Variants in EIF5B observed in about 807,000 individuals in gnomAD.
EIF5B encodes the protein eIF-5B.
Under a neutral mutation model 147.5 loss-of-function variants are expected in EIF5B, and 47 were observed. That is an observed-to-expected ratio of 0.32 (90% confidence interval 0.25 to 0.41). EIF5B has a LOEUF of 0.41. EIF5B is among the 10% of genes least tolerant of loss of function. The pLI is 1.00. For synonymous variants in EIF5B, 455 were observed against 456.2 expected, an observed-to-expected ratio of 1.00 and a Z score of 0.03; for missense variants, 1,064 against 1,413.2, an observed-to-expected ratio of 0.75 and a Z score of 3.96.
chr2:99,339,389 A>G (rs2094253853), intron 1 of EIF5B, among the ~76,000 whole-genome samples: 1 of 152,176 alleles, frequency 6.6e-6, no homozygotes, highest in Non-Finnish European at 1.5e-5. Context: ...TGTAAGAAAT[A>G]TTAATAGTGA....
At chr2:99,369,040 A>C (rs937358879) in intron 7 of EIF5B, among the ~76,000 whole-genome samples, 3 of 152,268 alleles carry the variant, frequency 2.0e-5, no homozygotes, top group Non-Finnish European at 4.4e-5. Flanking sequence ...TGGGAGGCTG[A>C]GGCGGGCGGA....
intron 4 of EIF5B, among the ~76,000 whole-genome samples, chr2:99,363,156 G>A (rs1674255507): frequency 6.6e-6 from 1 of 152,164 alleles, no homozygotes; most frequent in Non-Finnish European, 1.5e-5. Context: ...AGTTCTTGGA[G>A]TATAACTACC....
At chr2:99,362,913 C>G (rs1674249971) in intron 4 of EIF5B, among the ~76,000 whole-genome samples, 1 of 151,768 alleles carries the variant, frequency 6.6e-6, no homozygotes, top group African/African-American at 2.4e-5. Flanking sequence ...AGCCCGCCAC[C>G]ATGCCCGGCT....
intron 1 of EIF5B, among the ~76,000 whole-genome samples, chr2:99,337,979 A>C (rs74633464): frequency 1.3e-5 from 2 of 152,134 alleles, no homozygotes; most frequent in Non-Finnish European, 2.9e-5. Context: ...ACCTGTGAGT[A>C]CTTTGGGAGG....
At chr2:99,358,029 T>C (rs1316775707) in intron 1 of EIF5B, among the ~76,000 whole-genome samples, 1 of 152,146 alleles carries the variant, frequency 6.6e-6, no homozygotes, top group African/African-American at 2.4e-5. Flanking sequence ...GCTTCCTGAC[T>C]AGTCAGGATT....
intron 9 of EIF5B, among the ~76,000 whole-genome samples, chr2:99,373,755 T>C (rs1674502538): frequency 6.6e-6 from 1 of 151,690 alleles, no homozygotes; most frequent in Non-Finnish European, 1.5e-5. Flanking sequence ...ACTAAGTCGT[T>C]TTTTGTTCTG....
chr2:99,348,161 A>G (rs1448254711), intron 1 of EIF5B, among the ~76,000 whole-genome samples: 1 of 152,216 alleles, frequency 6.6e-6, no homozygotes, highest in Non-Finnish European at 1.5e-5. Flanking sequence ...GGTTAGGCTG[A>G]ATTTTGTAGA....
chr2:99,345,666 G>A (rs545483328), intron 1 of EIF5B, among the ~76,000 whole-genome samples: 20 of 151,806 alleles, frequency 1.3e-4, no homozygotes, highest in African/African-American at 4.3e-4. Context: ...GTAGGTGGGC[G>A]GGGTGCGGTG....
At chr2:99,375,632 C>A (rs1399018305) in intron 9 of EIF5B, among the ~76,000 whole-genome samples, 1 of 152,182 alleles carries the variant, frequency 6.6e-6, no homozygotes, top group Non-Finnish European at 1.5e-5. Context: ...ACTGTTCCAC[C>A]TCCTTGAGTT....
At chr2:99,381,502 C>A (rs1674686969) in intron 12 of EIF5B, among the ~76,000 whole-genome samples, 1 of 136,698 alleles carries the variant, frequency 7.3e-6, no homozygotes, top group Non-Finnish European at 1.6e-5. Flanking sequence ...TGTAGATAAG[C>A]ATAATACAAA....
At chr2:99,341,533 A>G (rs189371647) in intron 1 of EIF5B, among the ~76,000 whole-genome samples, 9 of 152,206 alleles carry the variant, frequency 5.9e-5, no homozygotes, top group African/African-American at 2.2e-4. Context: ...ATTGCAGTTG[A>G]TCTATAAGGT....
In EIF5B at chr2:99,369,377, C is replaced by A; in HGVS notation, c.1388-15C>A. 1 of 1,595,930 alleles carries A rather than the reference C, an allele frequency of 6.3e-7. No homozygotes were observed. The highest frequency in any genetic ancestry group is 8.5e-7 in the Non-Finnish European group (1 of 1,170,512). Reference sequence around the variant, plus strand: ...ACCAAAAAAAATATTATCTTGGTTTCTGCCCCTTTTTCAGTGTCTGAATCA... The same window carrying A: ...ACCAAAAAAAATATTATCTTGGTTTATGCCCCTTTTTCAGTGTCTGAATCA... On this transcript the variant is annotated splice_polypyrimidine_tract_variant and intron_variant, in intron 7 of 23. Transcript: ENST00000289371.
chr2:99,381,741 A>G (rs2104228504), intron 12 of EIF5B, among the ~76,000 whole-genome samples: 1 of 152,238 alleles, frequency 6.6e-6, no homozygotes, highest in East Asian at 1.9e-4. Flanking sequence ...TTACTTTAAA[A>G]TGTACTTTTG....
chr2:99,398,533 C>G (rs745945912), intron 22 of EIF5B: 8 of 443,896 alleles, frequency 1.8e-5, no homozygotes, highest in Non-Finnish European at 3.2e-5. Flanking sequence ...AGCACATTAT[C>G]TCCTGTCATT....
intron 9 of EIF5B, among the ~76,000 whole-genome samples, chr2:99,375,059 A>ACTT (rs1295668977): frequency 1.3e-5 from 2 of 150,422 alleles, no homozygotes; most frequent in Non-Finnish European, 3.0e-5. Flanking sequence ...TTTCCATTTA[A>ACTT]CTTTTTTTAT....
chr2:99,361,327 T>C lies in EIF5B; in HGVS notation c.426T>C (p.Asp142=), dbSNP rs575971375. ...ACTCTGGGAGTGATGATGATGATGA[T>C]TTTAACAAACTTCCTAAAAAAGCTA... The part of the protein sequence containing the change: ...EMYSGSDDDD[D]FNKLPKKAKG... The change falls in exon 4 of 24, where the codon GAT becomes GAC. Residue 142 remains aspartate, a synonymous_variant. Coordinates refer to ENST00000289371, the MANE Select transcript of EIF5B (RefSeq NM_015904.4). 2.5e-6 allele frequency: 4 copies of C among 1,609,736 alleles called. No individual in the cohort carries two copies. The South Asian group carries it at 4.5e-5, about 18-fold the overall frequency.
Position 99,360,289 on chromosome 2 carries a change from G to T in EIF5B, c.89G>T (p.Gly30Val), listed in dbSNP as rs767018176. 3 of 1,611,658 alleles carry T rather than the reference G, an allele frequency of 1.9e-6. No individual in the cohort carries two copies. Among genetic ancestry groups the T allele is most frequent in the Non-Finnish European group, 2.5e-6 (3 of 1,179,278 alleles). Residue 30 changes from glycine (G) to valine (V), a missense_variant, in exon 2 of 24, where the codon GGT becomes GTT. Coordinates refer to ENST00000289371, the MANE Select transcript of EIF5B (RefSeq NM_015904.4). ...DALAAEIEGA[G>V]AAKEQEPQKS... Reference sequence around the variant, plus strand: ...TTGGCTGCAGAAATAGAAGGAGCTGGTGCTGCCAAAGAACAGGAGCCTCAA... The same window carrying T: ...TTGGCTGCAGAAATAGAAGGAGCTGTTGCTGCCAAAGAACAGGAGCCTCAA...
intron 8 of EIF5B, among the ~76,000 whole-genome samples, 153 bp from the exon 9 acceptor site, chr2:99,371,503 A>G (rs1559252448): frequency 6.6e-6 from 1 of 152,072 alleles, no homozygotes. Context: ...AAAAAAAAAA[A>G]AAGATAGTTC....
chr2:99,338,377 G>GA, intron 1 of EIF5B: 3 of 1,282,254 alleles, frequency 2.3e-6, no homozygotes, highest in Non-Finnish European at 3.1e-6. Flanking sequence ...ACTCATGATG[G>GA]AAAGAGTTGA....
Sources: allele counts gnomAD v4.1 joint callset (sites outside exome capture counted in the v4.1 genomes callset), GRCh38; gene constraint gnomAD v4.1.1; transcripts MANE v1.5; gene names NCBI Gene and HGNC (gene_info 2026-07-23, HGNC 2026-07-21).